Variants in PIWIL2 observed in about 807,000 individuals in gnomAD.
PIWIL2 encodes the protein piwi-like protein 2.
PIWIL2 carries 81 observed loss-of-function variants against 116.5 expected under a neutral mutation model. The ratio of observed to expected loss-of-function variants is 0.70; its 90% CI spans 0.58 to 0.84. The LOEUF (loss-of-function observed/expected upper bound fraction) is 0.84. PIWIL2 is among the 40% of genes least tolerant of loss of function. The probability of loss-of-function intolerance (pLI) is 0.00; values close to 1 mark genes in which losing one functional copy is unlikely to be tolerated. For synonymous variants in PIWIL2, 489 were observed against 429.5 expected (o/e 1.14, Z -1.71); for missense variants, 1,272 against 1,212.3 (o/e 1.05, Z -0.73).
At chr8:22,354,105 A>G (rs1241632802) in intron 21 of PIWIL2, among the ~76,000 whole-genome samples, 166 bp from the exon 22 acceptor site, 3 of 152,026 alleles carry the variant, frequency 2.0e-5, no homozygotes, top group East Asian at 3.9e-4. Flanking sequence ...TAGCCTCTTG[A>G]GTCAGGAGAC....
In PIWIL2 at chr8:22,288,641, C is replaced by G. The variant is rs560109042; in HGVS notation, c.961C>G (p.Pro321Ala). The G allele has an allele frequency of 6.2e-7, 1 of 1,612,570 alleles. No individual in the cohort carries two copies. Among genetic ancestry groups the G allele is most frequent in the Non-Finnish European group, 8.5e-7 (1 of 1,179,038 alleles). Reference protein sequence around the residue: ...ILEPCSDLCIPFYNVVFRRVM... With the variant: ...ILEPCSDLCIAFYNVVFRRVM... The stretch of plus-strand genomic sequence containing the variant: ...GGAGCCCTGCTCTGACCTGTGCATT[C>G]CCTTCTACAATGTTGTTTTCCGTCG... The change falls in exon 8 of 23, where the codon CCC (proline) becomes GCC (alanine). Residue 321 changes from proline to alanine, a missense_variant. Physicochemically the swap from Pro to Ala is conservative, Grantham distance 27. Transcript: ENST00000356766.
At position 22,304,121 on chromosome 8, in the gene PIWIL2, C is replaced by A; in HGVS notation, c.1282C>A (p.Arg428Ser). Residue 428 changes from arginine to serine, a missense_variant, in exon 11 of 23, where the codon CGT becomes AGT. By Grantham distance (110) the Arg-to-Ser change is moderately radical. Coordinates refer to ENST00000356766, the MANE Select transcript of PIWIL2 (RefSeq NM_018068.5). ...VITRYNNRTY[R>S]IDDVDWNKTP... is the part of the protein sequence containing the mutation. ...CACCCGATATAACAATCGTACCTAT[C>A]GTATTGATGATGTGGATTGGAATAA... 6.2e-7 allele frequency: 1 copy of A among 1,611,164 alleles called. No homozygotes were observed. Among genetic ancestry groups the A allele is most frequent in the Non-Finnish European group, 8.5e-7 (1 of 1,177,380 alleles).
chr8:22,330,086 GTGTT>G (rs1831821730), intron 20 of PIWIL2, among the ~76,000 whole-genome samples: 1 of 152,118 alleles, frequency 6.6e-6, no homozygotes, highest in Non-Finnish European at 1.5e-5. Context: ...ATATGATGGT[GTGTT>G]TGTTGGTATC....
chr8:22,286,372 A>G (rs1363564370), intron 6 of PIWIL2, among the ~76,000 whole-genome samples: 1 of 152,240 alleles, frequency 6.6e-6, no homozygotes, highest in African/African-American at 2.4e-5. Flanking sequence ...AATAGTTTCT[A>G]TGAGGTAAGA....
intron 6 of PIWIL2, among the ~76,000 whole-genome samples, chr8:22,285,500 G>C (rs762912057): frequency 1.1e-4 from 16 of 152,294 alleles, no homozygotes; most frequent in Non-Finnish European, 2.4e-4. Context: ...TGCCTGTTGT[G>C]AACAGTGCTG....
chr8:22,308,187 AT>A (rs749167669), intron 14 of PIWIL2, 114 bp downstream of exon 14: 10 of 784,790 alleles, frequency 1.3e-5, no homozygotes, highest in Non-Finnish European at 1.8e-5. Flanking sequence ...GTCATTTAAT[AT>A]TTTTCTAAGT....
At chr8:22,351,319 TA>T (rs1031866170) in intron 20 of PIWIL2, among the ~76,000 whole-genome samples, 18 of 137,378 alleles carry the variant, frequency 1.3e-4, no homozygotes, top group Admixed American at 3.0e-4. Flanking sequence ...CCTCAATTCT[TA>T]AAAAAAAAAA....
rs1281104552 is a variant in PIWIL2 at position 22,321,123 on chromosome 8, A to G, written c.2403+2848A>G. Among the ~76,000 whole-genome samples the G allele has an allele frequency of 2.0e-5, 3 of 152,358 alleles. No homozygotes were observed. The East Asian group carries it at 5.8e-4, about 29-fold the overall frequency. Reference sequence around the variant, plus strand: ...TCTGTAGAACCAGATCAAAGAAAAAATAAATTTGTTTTTAAATCTAGAATA... The same window carrying G: ...TCTGTAGAACCAGATCAAAGAAAAAGTAAATTTGTTTTTAAATCTAGAATA... On this transcript the variant is annotated intron_variant, in intron 20 of 22. Coordinates refer to ENST00000356766, the MANE Select transcript of PIWIL2 (RefSeq NM_018068.5).
chr8:22,290,037 A>T (rs1042107598), intron 9 of PIWIL2, 110 bp downstream of exon 9: 1 of 760,924 alleles, frequency 1.3e-6, no homozygotes, highest in African/African-American at 1.8e-5. Context: ...GGTAGTGAAT[A>T]CAGTTTATCA....
intron 22 of PIWIL2, 128 bp from the exon 23 acceptor site, chr8:22,355,221 A>C: frequency 1.3e-6 from 1 of 759,734 alleles, no homozygotes; most frequent in Non-Finnish European, 2.2e-6. Context: ...TGCATCATGT[A>C]TTCCTCTGCT....
chr8:22,303,546 C>T (rs1392246765), intron 10 of PIWIL2, among the ~76,000 whole-genome samples: 2 of 151,940 alleles, frequency 1.3e-5, no homozygotes, highest in African/African-American at 4.8e-5. Context: ...CAAGGTACGC[C>T]ACTACACCTG....
At chr8:22,300,238 C>T (rs1831014548) in intron 10 of PIWIL2, among the ~76,000 whole-genome samples, 1 of 152,058 alleles carries the variant, frequency 6.6e-6, no homozygotes, top group Non-Finnish European at 1.5e-5. Flanking sequence ...AGGAAGAAGA[C>T]CCACCCAGCA....
Position 22,290,315 on chromosome 8 carries a change from G to A in PIWIL2, c.1150G>A (p.Val384Ile). ...CCTGCTAGCTGATGTCTCCCATAAG[G>A]TCATTCGGAATGACTGTGTGCTGGA... ...LFLLADVSHK[V>I]IRNDCVLDVM... Residue 384 changes from valine to isoleucine, a missense_variant, in exon 10 of 23, where the codon GTC becomes ATC. By Grantham distance (29) the Val-to-Ile change is conservative. Transcript: ENST00000356766. The A allele has an allele frequency of 6.2e-7, 1 of 1,610,216 alleles. No individual in the cohort carries two copies. Among genetic ancestry groups the A allele is most frequent in the Non-Finnish European group, 8.5e-7 (1 of 1,176,606 alleles).
rs1408217286 is a variant in PIWIL2 at position 22,289,874 on chromosome 8, T to A, written c.1014T>A (p.Leu338=). 1 of 1,611,454 alleles carries A rather than the reference T, an allele frequency of 6.2e-7. No homozygotes were observed. The highest frequency in any genetic ancestry group is 2.2e-5 in the East Asian group (1 of 44,852). The part of the protein sequence containing the change: ...RRVMKLLDMK[L]VGRNFYDPTS... ...TAATGAAACTTTTAGATATGAAGCT[T>A]GTGGGGAGAAACTTTTATGACCCTA... The change falls in exon 9 of 23, where the codon CTT becomes CTA. Residue 338 remains leucine (L), a synonymous_variant. Transcript: ENST00000356766.
chr8:22,300,713 G>A (rs938912360), intron 10 of PIWIL2, among the ~76,000 whole-genome samples: 1 of 152,124 alleles, frequency 6.6e-6, no homozygotes, highest in Non-Finnish European at 1.5e-5. Flanking sequence ...CAGTGGTATC[G>A]AATTGTGGTT....
chr8:22,314,831 A>G (rs202041582), intron 17 of PIWIL2, among the ~76,000 whole-genome samples, 198 bp from the exon 18 acceptor site: 25 of 150,796 alleles, frequency 1.7e-4, no homozygotes, highest in East Asian at 5.8e-4. Context: ...GTGTGTGTGT[A>G]TGTGTGTGTG....
intron 10 of PIWIL2, among the ~76,000 whole-genome samples, chr8:22,292,770 C>G (rs903560334): frequency 3.9e-5 from 6 of 152,192 alleles, no homozygotes; most frequent in African/African-American, 1.4e-4. Context: ...TTGTTACTTT[C>G]CTTGTAAAGG....
In PIWIL2 at chr8:22,355,360, A is replaced by G; in HGVS notation, c.2777A>G (p.Lys926Arg). ...TTCTTGGCCTACAGGCTGACTTTCA[A>G]ACTGTGCCACATGTACTGGAATTGG... is the stretch of plus-strand genomic sequence containing the variant. ...SPDHMQRLTF[K>R]LCHMYWNWPG... Residue 926 changes from lysine to arginine, a missense_variant, in exon 23 of 23, where the codon AAA (lysine) becomes AGA (arginine). Coordinates refer to ENST00000356766, the MANE Select transcript of PIWIL2 (RefSeq NM_018068.5). 1.9e-6 allele frequency: 3 copies of G among 1,614,186 alleles called. No individual in the cohort carries two copies. The highest frequency in any genetic ancestry group is 2.2e-5 in the South Asian group (2 of 91,082).
At chr8:22,287,797 C>T (rs1188808597) in intron 7 of PIWIL2, 152 bp downstream of exon 7, 3 of 632,644 alleles carry the variant, frequency 4.7e-6, no homozygotes, top group Non-Finnish European at 8.7e-6. Context: ...GTGTGAGCCA[C>T]TTCACCTGGC....
Sources: allele counts gnomAD v4.1 joint callset (sites outside exome capture counted in the v4.1 genomes callset), GRCh38; gene constraint gnomAD v4.1.1; transcripts MANE v1.5; gene names NCBI Gene and HGNC (gene_info 2026-07-23, HGNC 2026-07-21).